SRR: variants seen among roughly 807,000 people sequenced by gnomAD.
SRR encodes the protein serine racemase.
SRR carries 19 observed loss-of-function variants against 32.7 expected under a neutral mutation model. The ratio of observed to expected loss-of-function variants is 0.58; its 90% CI spans 0.40 to 0.85. The LOEUF (loss-of-function observed/expected upper bound fraction) is 0.85, where lower values mean the gene tolerates loss of function less well. Ranked by LOEUF, SRR falls within the 40% of genes least tolerant of loss-of-function variation. The pLI is 0.00. For synonymous variants in SRR, 142 were observed against 140.9 expected, an observed-to-expected ratio of 1.01 and a Z score of -0.06; for missense variants, 373 against 404.7, an observed-to-expected ratio of 0.92 and a Z score of 0.67.
chr17:2,305,895 C>T (rs1475319599), intron 1 of SRR, among the ~76,000 whole-genome samples: 3 of 151,840 alleles, frequency 2.0e-5, no homozygotes, highest in Non-Finnish European at 4.4e-5. Flanking sequence ...GATGGGGTTT[C>T]ACCATGTTGA....
Position 2,312,122 on chromosome 17 carries a change from G to A in SRR, c.-4-3435G>A, listed in dbSNP as rs1263511585. On this transcript the variant is annotated intron_variant, in intron 1 of 7. Transcript: ENST00000344595. Reference sequence around the variant, plus strand: ...TCCCAGGTACTTGGGAGGCTGAGGCGGGAAGATCACTTGAGCTCAAGAGTT... The same window carrying A: ...TCCCAGGTACTTGGGAGGCTGAGGCAGGAAGATCACTTGAGCTCAAGAGTT... Among the ~76,000 whole-genome samples the A allele has an allele frequency of 6.0e-5, 9 of 150,458 alleles. No homozygotes were observed. The South Asian group carries it at 6.3e-4, about 11-fold the overall frequency.
intron 3 of SRR, among the ~76,000 whole-genome samples, chr17:2,318,350 A>G (rs771927307): frequency 5.3e-5 from 8 of 151,358 alleles, no homozygotes; most frequent in Non-Finnish European, 4.4e-5. Context: ...TAATTTCACC[A>G]TGTTGCCCAG....
At position 2,323,198 on chromosome 17, in the gene SRR, G is replaced by A. The variant is rs758978162; in HGVS notation, c.657G>A (p.Gln219=). The A allele has an allele frequency of 6.8e-6, 11 of 1,614,086 alleles. No individual in the cohort carries two copies. The highest frequency in any genetic ancestry group is 4.4e-5 in the South Asian group (4 of 91,094). ...AEPSNADDCY[Q]SKLKGKLMPN... is the part of the protein sequence containing the mutation. ...CCTCAAATGCAGATGACTGCTACCAGTCCAAGCTGAAGGGGAAACTGATGC... is the reference window on the plus strand; with the variant it reads ...CCTCAAATGCAGATGACTGCTACCAATCCAAGCTGAAGGGGAAACTGATGC... Residue 219 remains glutamine, a synonymous_variant, in exon 7 of 8, where the codon CAG becomes CAA. Coordinates refer to ENST00000344595, the MANE Select transcript of SRR (RefSeq NM_021947.3).
intron 1 of SRR, among the ~76,000 whole-genome samples, chr17:2,304,276 C>T (rs1567771102): frequency 8.8e-5 from 1 of 11,388 alleles, no homozygotes; most frequent in Non-Finnish European, 2.1e-4. Flanking sequence ...GTTGGAGTCT[C>T]GCTCTGTTGG....
At position 2,324,041 on chromosome 17, in the gene SRR, C is replaced by T; in HGVS notation, c.*168C>T. 8.3e-7 allele frequency: 1 copy of T among 1,209,588 alleles called. No individual in the cohort carries two copies. Among genetic ancestry groups the T allele is most frequent in the Non-Finnish European group, 1.2e-6 (1 of 869,074 alleles). The allele number at this position is 1,209,588 out of a possible 1,614,324, so 74.9% of individuals were successfully genotyped here. On this transcript the variant is annotated 3_prime_UTR_variant, in exon 8 of 8. Transcript: ENST00000344595. ...GTAGTGGAAAAACTTTTATACTTAA[C>T]TGAGACATTTTGTCAAGGCTAAAAA...
intron 1 of SRR, chr17:2,306,819 G>C: frequency 2.6e-6 from 2 of 765,542 alleles, no homozygotes; most frequent in Admixed American, 3.6e-5. Flanking sequence ...TCATTGGAGG[G>C]CTGAGCTTTG....
chr17:2,314,862 TATTAAAA>T (rs778005731), intron 1 of SRR, among the ~76,000 whole-genome samples: 53 of 151,844 alleles, frequency 3.5e-4, no homozygotes, highest in Non-Finnish European at 6.6e-4. Context: ...GTTAAATTTT[TATTAAAA>T]ATTAAAAATT....
chr17:2,305,852 CA>C (rs1437834056), intron 1 of SRR, among the ~76,000 whole-genome samples: 1 of 152,008 alleles, frequency 6.6e-6, no homozygotes, highest in African/African-American at 2.4e-5. Flanking sequence ...CGCCCACCAC[CA>C]TGCCCAGCTA....
At chr17:2,311,822 C>G (rs1287118912) in intron 1 of SRR, among the ~76,000 whole-genome samples, 1 of 152,050 alleles carries the variant, frequency 6.6e-6, no homozygotes, top group South Asian at 2.1e-4. Flanking sequence ...GCAGTCTGGC[C>G]AATGGAACAA....
At chr17:2,307,467 A>G in intron 1 of SRR, 1 of 1,434,386 alleles carries the variant, frequency 7.0e-7, no homozygotes, top group Non-Finnish European at 9.7e-7. Flanking sequence ...GTGGTGGTGG[A>G]TATCGTGCAG....
In SRR at chr17:2,321,603, C is replaced by G; in HGVS notation, c.581C>G (p.Ala194Gly). The change falls in exon 6 of 8, where the codon GCA becomes GGA. Residue 194 changes from alanine (A) to glycine (G), a missense_variant. Coordinates refer to ENST00000344595, the MANE Select transcript of SRR (RefSeq NM_021947.3). ...VGGGGMLAGI[A>G]ITVKALKPSV... Reference sequence around the variant, plus strand: ...GGAGGAGGAATGCTTGCTGGAATAGCAATTACAGTTAAGGTGAGCAGCTTC... The same window carrying G: ...GGAGGAGGAATGCTTGCTGGAATAGGAATTACAGTTAAGGTGAGCAGCTTC... 6.2e-7 allele frequency: 1 copy of G among 1,613,896 alleles called. No homozygotes were observed. Among genetic ancestry groups the G allele is most frequent in the Non-Finnish European group, 8.5e-7 (1 of 1,179,934 alleles).
At position 2,321,521 on chromosome 17, in the gene SRR, C is replaced by G. The variant is rs766267581; in HGVS notation, c.520-21C>G. On this transcript the variant is annotated intron_variant, in intron 5 of 7. Transcript: ENST00000344595. ...TATACATTAAATATAAAACTGCTTA[C>G]AGTTTATATTTTCACTAAAGGTTCC... The G allele has an allele frequency of 3.7e-6, 6 of 1,613,348 alleles. No homozygotes were observed. The African/African-American group carries it at 8.0e-5, about 22-fold the overall frequency.
chr17:2,312,391 C>T (rs77348207), intron 1 of SRR, among the ~76,000 whole-genome samples: 7,858 of 151,974 alleles, frequency 0.052, 855 homozygotes, highest in East Asian at 0.52. Flanking sequence ...GTCAGGAGAT[C>T]GAGACCATCC....
Position 2,324,051 on chromosome 17 carries a change from T to C in SRR, c.*178T>C. 1.6e-6 allele frequency: 2 copies of C among 1,254,842 alleles called. No homozygotes were observed. The highest frequency in any genetic ancestry group is 2.3e-5 in the East Asian group (1 of 42,740). 77.7% of individuals were successfully genotyped at this position (1,254,842 alleles called of 1,614,324 possible). A position where few individuals can be genotyped will look rare whatever the true frequency, so the allele number is the denominator to read the frequency against. Reference sequence around the variant, plus strand: ...AACTTTTATACTTAACTGAGACATTTTGTCAAGGCTAAAAAAAAGTCTTGC... The same window carrying C: ...AACTTTTATACTTAACTGAGACATTCTGTCAAGGCTAAAAAAAAGTCTTGC... On this transcript the variant is annotated 3_prime_UTR_variant, in exon 8 of 8. Coordinates refer to ENST00000344595, the MANE Select transcript of SRR (RefSeq NM_021947.3).
rs780841607 is a variant in SRR at position 2,321,533 on chromosome 17, T to G, written c.520-9T>G. 5 of 1,614,036 alleles carry G rather than the reference T, an allele frequency of 3.1e-6. No individual in the cohort carries two copies. The highest frequency in any genetic ancestry group is 3.4e-6 in the Non-Finnish European group (4 of 1,179,920). On this transcript the variant is annotated splice_polypyrimidine_tract_variant and intron_variant, in intron 5 of 7. Coordinates refer to ENST00000344595, the MANE Select transcript of SRR (RefSeq NM_021947.3). ...ATAAAACTGCTTACAGTTTATATTT[T>G]CACTAAAGGTTCCTTTGGTGGATGC...
chr17:2,316,902 T>A (rs550951976), intron 2 of SRR, among the ~76,000 whole-genome samples: 1 of 131,760 alleles, frequency 7.6e-6, no homozygotes, highest in South Asian at 2.3e-4. Flanking sequence ...TTTTTTTGAA[T>A]TTTTAGTAGA....
At chr17:2,320,830 G>A (rs1447720931) in intron 4 of SRR, among the ~76,000 whole-genome samples, 1 of 152,332 alleles carries the variant, frequency 6.6e-6, no homozygotes, top group South Asian at 2.1e-4. Context: ...CCAGAGTGCT[G>A]GGATTATAGG....
At position 2,324,031 on chromosome 17, in the gene SRR, T is replaced by G; in HGVS notation, c.*158T>G. 8.3e-7 allele frequency: 1 copy of G among 1,200,872 alleles called. No individual in the cohort carries two copies. 74.4% of individuals were successfully genotyped at this position (1,200,872 alleles called of 1,614,324 possible). On this transcript the variant is annotated 3_prime_UTR_variant, in exon 8 of 8. Transcript: ENST00000344595. ...TTTGGACTAAGTAGTGGAAAAACTT[T>G]TATACTTAACTGAGACATTTTGTCA...
intron 7 of SRR, 102 bp from the exon 8 acceptor site, chr17:2,323,553 T>C: frequency 1.5e-6 from 2 of 1,312,306 alleles, no homozygotes; most frequent in South Asian, 2.6e-5. Flanking sequence ...GTGTACACAG[T>C]GATAAGAAAA....
Sources: allele counts gnomAD v4.1 joint callset (sites outside exome capture counted in the v4.1 genomes callset), GRCh38; gene constraint gnomAD v4.1.1; transcripts MANE v1.5; gene names NCBI Gene and HGNC (gene_info 2026-07-23, HGNC 2026-07-21).